The following COL16A1 variants were observed in gnomAD, a reference collection of about 807,000 sequenced individuals.
The protein encoded by COL16A1 is collagen alpha-1(XVI) chain.
In COL16A1, 189 loss-of-function variants were observed where a neutral mutation model predicts 266.3. That is an observed-to-expected ratio of 0.71 (90% CI 0.63 to 0.80). COL16A1 has a LOEUF of 0.80. Among genes scored for constraint, COL16A1 ranks in the 30% least tolerant of loss-of-function variants. The probability of loss-of-function intolerance (pLI) is 0.00; values close to 1 mark genes in which losing one functional copy is unlikely to be tolerated. For synonymous variants in COL16A1, 740 were observed against 782.3 expected (o/e 0.95, Z 0.90); for missense variants, 1,928 against 2,122.4 (o/e 0.91, Z 1.80).
At position 31,658,489 on chromosome 1, in the gene COL16A1, G is replaced by C. The variant is rs868048114; in HGVS notation, c.4019C>G (p.Pro1340Arg). 2 of 1,597,836 alleles carry C rather than the reference G, an allele frequency of 1.3e-6. No homozygotes were observed. The highest frequency in any genetic ancestry group is 1.3e-5 in the African/African-American group (1 of 74,748). The change falls in exon 64 of 71, where the codon CCA becomes CGA. Residue 1340 changes from proline (P) to arginine (R), a missense_variant and splice_region_variant. Pro to Arg is a moderately radical substitution (Grantham distance 103, BLOSUM62 -2). Coordinates refer to ENST00000373672, the MANE Select transcript of COL16A1 (RefSeq NM_001856.4). ...QPGPPGHPGP[P>R]GEPGTDGAAG... ...ATGCTGTAGAATGTGGGATCTTACT[G>C]GGGGGCCAGGGTGTCCAGGGGGGCC... is the stretch of plus-strand genomic sequence containing the variant.
chr1:31,675,616 A>C (rs937396855), intron 42 of COL16A1, among the ~76,000 whole-genome samples: 1 of 152,048 alleles, frequency 6.6e-6, no homozygotes, highest in Non-Finnish European at 1.5e-5. Flanking sequence ...TTCTGTGCTA[A>C]GTCGTTTTTC....
At chr1:31,695,407 A>G (rs1015801005) in intron 10 of COL16A1, among the ~76,000 whole-genome samples, 186 bp from the exon 11 acceptor site, 1 of 66,984 alleles carries the variant, frequency 1.5e-5, no homozygotes, top group African/African-American at 6.1e-5. Context: ...CCCCACAGCC[A>G]TTTTTCAGAT....
intron 1 of COL16A1, 43 bp from the exon 2 acceptor site, chr1:31,702,270 A>G (rs1328277257): frequency 6.2e-7 from 1 of 1,600,006 alleles, no homozygotes; most frequent in Non-Finnish European, 8.5e-7. Flanking sequence ...CTGAGTTCAC[A>G]CAGCACAACT....
Position 31,657,934 on chromosome 1 carries a change from G to A in COL16A1, c.4020+554C>T, listed in dbSNP as rs1641308452. 6.6e-6 allele frequency among the ~76,000 whole-genome samples: 1 copy of A among 152,180 alleles called. No homozygotes were observed. Among genetic ancestry groups the A allele is most frequent in the South Asian group, 2.1e-4 (1 of 4,830 alleles). On this transcript the variant is annotated intron_variant, in intron 64 of 70. Coordinates refer to ENST00000373672, the MANE Select transcript of COL16A1 (RefSeq NM_001856.4). This position sits in a 1 kb window ranked among gnomAD's most constrained non-coding sequence, Gnocchi z 6.4. ...GACTCCGAGCAACCTGCCTAACCTT[G>A]CGGAGCCCCCGTTTCCTCATCTGTA... is the stretch of plus-strand genomic sequence containing the variant.
chr1:31,666,018 C>T lies in COL16A1; in HGVS notation c.3402+19G>A, dbSNP rs765964249. ...GGACAAGACCAGGACCACATCTCCC[C>T]ATGCCCTCCTTCACTCACCGCTGGG... On this transcript the variant is annotated intron_variant, in intron 53 of 70. Coordinates refer to ENST00000373672, the MANE Select transcript of COL16A1 (RefSeq NM_001856.4). The T allele has an allele frequency of 6.2e-7, 1 of 1,613,086 alleles. No individual in the cohort carries two copies. The highest frequency in any genetic ancestry group is 8.5e-7 in the Non-Finnish European group (1 of 1,179,670).
At chr1:31,686,658 A>G (rs1045441210) in intron 26 of COL16A1, among the ~76,000 whole-genome samples, 5 of 152,274 alleles carry the variant, frequency 3.3e-5, no homozygotes, top group Admixed American at 6.5e-5. Flanking sequence ...CACACGCAGA[A>G]CTTTCTAAAT....
At chr1:31,665,497 A>G in intron 55 of COL16A1, 86 bp downstream of exon 55, 1 of 1,610,796 alleles carries the variant, frequency 6.2e-7, no homozygotes, top group South Asian at 1.1e-5. Context: ...CCCCAGGACC[A>G]TCCTACCCCA....
chr1:31,695,340 G>A, intron 10 of COL16A1, 119 bp from the exon 11 acceptor site: 1 of 977,344 alleles, frequency 1.0e-6, no homozygotes, highest in Non-Finnish European at 1.6e-6. Flanking sequence ...TCTGAGGGGA[G>A]CCTGAAGATA....
At position 31,689,966 on chromosome 1, in the gene COL16A1, A is replaced by G. The variant is rs1395384567; in HGVS notation, c.1510-115T>C. 3.7e-5 allele frequency: 30 copies of G among 817,204 alleles called. No homozygotes were observed. In the East Asian group the frequency reaches 7.7e-4, roughly 21 times the overall value. 50.6% of individuals were successfully genotyped at this position (817,204 alleles called of 1,614,324 possible). On this transcript the variant is annotated intron_variant, in intron 22 of 70. Transcript: ENST00000373672. The stretch of plus-strand genomic sequence containing the variant: ...TTGGGTCCACCAGAGCCCCACCCCC[A>G]ACATCAAAGTGGACAGCAGGAATGC...
In COL16A1 at chr1:31,700,035, G is replaced by A. The variant is rs1412979268; in HGVS notation, c.148+6C>T. The A allele has an allele frequency of 2.5e-6, 4 of 1,614,092 alleles. No individual in the cohort carries two copies. The highest frequency in any genetic ancestry group is 3.4e-6 in the Non-Finnish European group (4 of 1,179,950). The stretch of plus-strand genomic sequence containing the variant: ...GGACGGCGCGATGAGATGGTTGGGT[G>A]CTCACCAGTCACGTTGGCTGGCAGG... On this transcript the variant is annotated splice_donor_region_variant and intron_variant, in intron 3 of 70. Coordinates refer to ENST00000373672, the MANE Select transcript of COL16A1 (RefSeq NM_001856.4).
At chr1:31,696,815 G>T in intron 8 of COL16A1, 148 bp downstream of exon 8, 1 of 1,323,336 alleles carries the variant, frequency 7.6e-7, no homozygotes, top group Non-Finnish European at 1.0e-6. Flanking sequence ...TCATTTAGGG[G>T]TGGCGTACAA....
chr1:31,703,737 C>G (rs1277239178), intron 1 of COL16A1, 100 bp downstream of exon 1: 3 of 152,376 alleles, frequency 2.0e-5, no homozygotes, highest in Admixed American at 6.5e-5. Flanking sequence ...CGACCAAGGC[C>G]CAGAGAGGGA....
At chr1:31,681,098 G>A in intron 37 of COL16A1, 31 bp from the exon 38 acceptor site, 1 of 1,594,904 alleles carries the variant, frequency 6.3e-7, no homozygotes, top group Non-Finnish European at 8.5e-7. Context: ...GTCAGAGGGT[G>A]AGACTGGGCA....
At chr1:31,672,300 T>G (rs928495126) in intron 47 of COL16A1, 116 bp downstream of exon 47, 1 of 1,170,788 alleles carries the variant, frequency 8.5e-7, no homozygotes, top group Non-Finnish European at 1.2e-6. Context: ...GGAGAGCAGA[T>G]GAGCCCAGAG....
chr1:31,671,356 A>T lies in COL16A1; in HGVS notation c.3150+259T>A, dbSNP rs1642683086. 2.0e-5 allele frequency among the ~76,000 whole-genome samples: 3 copies of T among 152,110 alleles called. 1 individual carries two copies. The highest frequency in any genetic ancestry group is 6.5e-5 in the Admixed American group (1 of 15,278). On this transcript the variant is annotated intron_variant, in intron 48 of 70. Coordinates refer to ENST00000373672, the MANE Select transcript of COL16A1 (RefSeq NM_001856.4). Reference sequence around the variant, plus strand: ...GTGGAAAGCGCAGCAGAGGGTGGGGACAGGGAAGCAAAGAGGTGCCTCTGA... The same window carrying T: ...GTGGAAAGCGCAGCAGAGGGTGGGGTCAGGGAAGCAAAGAGGTGCCTCTGA...
At chr1:31,684,687 C>T (rs1643885914) in intron 30 of COL16A1, 57 bp from the exon 31 acceptor site, 5 of 1,607,156 alleles carry the variant, frequency 3.1e-6, no homozygotes, top group Non-Finnish European at 4.3e-6. Context: ...GCAGGTTGCC[C>T]CCCTGGGACT....
chr1:31,678,979 C>T (rs539830762), intron 42 of COL16A1, among the ~76,000 whole-genome samples: 24 of 152,316 alleles, frequency 1.6e-4, no homozygotes, highest in African/African-American at 5.1e-4. Flanking sequence ...GCCTTTGCAC[C>T]GGCTGTTTTC....
chr1:31,672,848 G>A lies in COL16A1; in HGVS notation c.2860-8C>T. 1 of 1,613,084 alleles carries A rather than the reference G, an allele frequency of 6.2e-7. No homozygotes were observed. Among genetic ancestry groups the A allele is most frequent in the Non-Finnish European group, 8.5e-7 (1 of 1,179,352 alleles). On this transcript the variant is annotated splice_region_variant and splice_polypyrimidine_tract_variant and intron_variant, in intron 44 of 70. Transcript: ENST00000373672. ...ACAGTCCCCGCAGATACTCTGATCA[G>A]GGAGTGGGGAGAGGAGTGGGGCCTG...
At chr1:31,681,637 A>G (rs1037503245) in intron 37 of COL16A1, among the ~76,000 whole-genome samples, 2 of 152,234 alleles carry the variant, frequency 1.3e-5, no homozygotes, top group African/African-American at 4.8e-5. Context: ...CAGCATGAGT[A>G]GAGGTCTGGA....
Sources: allele counts gnomAD v4.1 joint callset (sites outside exome capture counted in the v4.1 genomes callset), GRCh38; gene constraint gnomAD v4.1.1; non-coding constraint Gnocchi (gnomAD v3.1); transcripts MANE v1.5; gene names NCBI Gene and HGNC (gene_info 2026-07-23, HGNC 2026-07-21).